The following GOLM2 variants were observed in gnomAD, a reference collection of about 807,000 sequenced individuals.
The protein encoded by GOLM2 is golgi membrane protein 2.
Under a neutral mutation model 55.9 loss-of-function variants are expected in GOLM2, and 26 were observed. That is an observed-to-expected ratio of 0.47 (90% CI 0.34 to 0.65). The LOEUF (loss-of-function observed/expected upper bound fraction) is 0.65. Among genes scored for constraint, GOLM2 ranks in the 30% least tolerant of loss-of-function variants. GOLM2 has a pLI of 0.01. For synonymous variants in GOLM2, 165 were observed against 194.6 expected, an observed-to-expected ratio of 0.85 and a Z score of 1.27; for missense variants, 486 against 531.8, an observed-to-expected ratio of 0.91 and a Z score of 0.85.
intron 1 of GOLM2, among the ~76,000 whole-genome samples, chr15:44,308,731 G>A (rs77923941): frequency 0.054 from 8,228 of 152,038 alleles, 353 homozygotes; most frequent in East Asian, 0.19. Context: ...CTGAATAGCC[G>A]GGACTGCAGG....
chr15:44,334,025 A>G (rs939868990), intron 4 of GOLM2, among the ~76,000 whole-genome samples: 2 of 152,156 alleles, frequency 1.3e-5, no homozygotes, highest in African/African-American at 4.8e-5. Flanking sequence ...GCTCTCTTCT[A>G]TTCTCTTAAG....
intron 8 of GOLM2, among the ~76,000 whole-genome samples, chr15:44,384,328 T>C (rs1332534852): frequency 6.6e-6 from 1 of 152,094 alleles, no homozygotes; most frequent in East Asian, 1.9e-4. Context: ...AAAGGAATCA[T>C]ACGGCCAGGC....
intron 6 of GOLM2, among the ~76,000 whole-genome samples, chr15:44,363,038 C>T (rs1454585031): frequency 6.6e-6 from 1 of 152,082 alleles, no homozygotes; most frequent in Non-Finnish European, 1.5e-5. Flanking sequence ...ATACAAAAAT[C>T]AATTCAAGAT....
chr15:44,290,887 C>T (rs1377299488), intron 1 of GOLM2, among the ~76,000 whole-genome samples: 2 of 151,816 alleles, frequency 1.3e-5, no homozygotes, highest in East Asian at 1.9e-4. Context: ...CTGCAACCTC[C>T]GCCCCCCCGG....
At chr15:44,402,664 A>G (rs2079573216) in intron 8 of GOLM2, 2 of 401,986 alleles carry the variant, frequency 5.0e-6, no homozygotes, top group East Asian at 4.0e-5. Context: ...GGCAAGCACT[A>G]AAATTAACAC....
chr15:44,375,756 G>C (rs895664157), intron 6 of GOLM2, among the ~76,000 whole-genome samples: 5 of 152,144 alleles, frequency 3.3e-5, no homozygotes, highest in African/African-American at 1.2e-4. Flanking sequence ...ACTCCAGCCT[G>C]AGTAACACAG....
intron 1 of GOLM2, among the ~76,000 whole-genome samples, chr15:44,315,431 G>A (rs547268210): frequency 9.6e-4 from 146 of 152,312 alleles, no homozygotes; most frequent in African/African-American, 3.3e-3. Context: ...GAGCAACTGA[G>A]CTGTTAAGAG....
At chr15:44,290,042 G>A (rs1288875774) in intron 1 of GOLM2, among the ~76,000 whole-genome samples, 1 of 152,196 alleles carries the variant, frequency 6.6e-6, no homozygotes, top group Non-Finnish European at 1.5e-5. Flanking sequence ...ATTTTAAGCA[G>A]TGGAATGTCA....
At chr15:44,403,239 C>T (rs773342974) in intron 9 of GOLM2, 185 bp downstream of exon 9, 78 of 594,920 alleles carry the variant, frequency 1.3e-4, no homozygotes, top group Non-Finnish European at 2.0e-4. Flanking sequence ...CTTGGCTCAC[C>T]GCAACCTCCA....
Position 44,337,682 on chromosome 15 carries a change from T to G in GOLM2, c.577-81T>G, listed in dbSNP as rs2079066116. On this transcript the variant is annotated intron_variant, in intron 4 of 9. Coordinates refer to ENST00000299957, the MANE Select transcript of GOLM2 (RefSeq NM_138423.4). ...GTATATGTTTTACAAGATGAACTGT[T>G]TCAGAACATTTAATTAATAGTTGTG... 6 of 1,023,382 alleles carry G rather than the reference T, an allele frequency of 5.9e-6. No homozygotes were observed. The South Asian group carries it at 8.9e-5, about 15-fold the overall frequency. The allele number at this position is 1,023,382 out of a possible 1,614,324, so 63.4% of individuals were successfully genotyped here.
chr15:44,292,210 T>G (rs1377407545), intron 1 of GOLM2, among the ~76,000 whole-genome samples: 1 of 147,426 alleles, frequency 6.8e-6, no homozygotes, highest in Non-Finnish European at 1.5e-5. Flanking sequence ...TATTTTTTTT[T>G]TTTTTTAGAC....
intron 9 of GOLM2, among the ~76,000 whole-genome samples, chr15:44,404,894 T>A (rs1453518795): frequency 1.3e-5 from 2 of 152,194 alleles, no homozygotes; most frequent in Non-Finnish European, 2.9e-5. Context: ...ATTACAAGGT[T>A]GCTTGGTTTA....
At chr15:44,317,933 A>G (rs908490113) in intron 1 of GOLM2, among the ~76,000 whole-genome samples, 1 of 152,122 alleles carries the variant, frequency 6.6e-6, no homozygotes, top group Non-Finnish European at 1.5e-5. Flanking sequence ...CCACAAGACT[A>G]TTCTTCCCCT....
intron 8 of GOLM2, among the ~76,000 whole-genome samples, chr15:44,389,401 C>T (rs961220627): frequency 1.3e-5 from 2 of 151,944 alleles, no homozygotes; most frequent in Non-Finnish European, 2.9e-5. Context: ...TGGTGGTACA[C>T]GCCTGCAGTC....
intron 9 of GOLM2, among the ~76,000 whole-genome samples, chr15:44,412,823 T>G (rs2079647163): frequency 6.6e-6 from 1 of 151,946 alleles, no homozygotes; most frequent in Admixed American, 6.6e-5. Context: ...GCCAACATGG[T>G]AAAACCCCGT....
intron 9 of GOLM2, among the ~76,000 whole-genome samples, chr15:44,412,095 G>A (rs964951857): frequency 2.0e-5 from 3 of 152,088 alleles, no homozygotes; most frequent in Non-Finnish European, 4.4e-5. Flanking sequence ...GAGGCCGGGA[G>A]GTTGAGACTG....
At chr15:44,393,450 T>C (rs1270594278) in intron 8 of GOLM2, among the ~76,000 whole-genome samples, 1 of 152,170 alleles carries the variant, frequency 6.6e-6, no homozygotes, top group Non-Finnish European at 1.5e-5. Context: ...CCATCCCAAT[T>C]ATAATCCCAG....
chr15:44,403,669 AC>A (rs2079580408), intron 9 of GOLM2, among the ~76,000 whole-genome samples: 1 of 152,190 alleles, frequency 6.6e-6, no homozygotes, highest in Admixed American at 6.5e-5. Flanking sequence ...TCTAGACTTT[AC>A]CTAAGGCAAA....
chr15:44,322,866 T>G lies in GOLM2; in HGVS notation c.328-99T>G, dbSNP rs1323542982. 4 of 737,370 alleles carry G rather than the reference T, an allele frequency of 5.4e-6. No homozygotes were observed. The South Asian group carries it at 5.8e-5, about 11-fold the overall frequency. The allele number at this position is 737,370 out of a possible 1,614,324, so 45.7% of individuals were successfully genotyped here. A position where few individuals can be genotyped will look rare whatever the true frequency, so the allele number is the denominator to read the frequency against. ...GAGTATAAATAAATAACCAGAGTTT[T>G]TTGTTTGCATTTATGATCAAGCTCA... On this transcript the variant is annotated intron_variant, in intron 1 of 9. Coordinates refer to ENST00000299957, the MANE Select transcript of GOLM2 (RefSeq NM_138423.4).
Sources: allele counts gnomAD v4.1 joint callset (sites outside exome capture counted in the v4.1 genomes callset), GRCh38; gene constraint gnomAD v4.1.1; transcripts MANE v1.5; gene names NCBI Gene and HGNC (gene_info 2026-07-23, HGNC 2026-07-21).